The following GPX4 variants were observed in gnomAD, a reference collection of about 807,000 sequenced individuals.
GPX4 encodes phospholipid hydroperoxide glutathione peroxidase GPX4.
GPX4 carries 28 observed loss-of-function variants against 27.8 expected under a neutral mutation model. The observed-to-expected ratio is 1.01, with a 90% CI of 0.75 to 1.38. The LOEUF (loss-of-function observed/expected upper bound fraction) is 1.38. GPX4 is among the 40% of genes most tolerant of loss of function. The pLI is 0.00. For synonymous variants in GPX4, 163 were observed against 107.8 expected, an observed-to-expected ratio of 1.51 and a Z score of -3.17; for missense variants, 357 against 274.1, an observed-to-expected ratio of 1.30 and a Z score of -2.14.
At chr19:1,104,241 G>T in intron 1 of GPX4, 114 bp downstream of exon 1, 3 of 897,694 alleles carry the variant, frequency 3.3e-6, no homozygotes, top group Non-Finnish European at 4.6e-6. Flanking sequence ...TTGGTGGGGG[G>T]CGTCTGGGGG....
rs766828184 is a variant in GPX4 at position 1,105,459 on chromosome 19, T to C, written c.273T>C (p.Ala91=). 6.2e-6 allele frequency: 10 copies of C among 1,612,454 alleles called. No homozygotes were observed. ...TQLVDLHARY[A]ECGLRILAFP... Reference sequence around the variant, plus strand: ...TCGTCGACCTGCACGCCCGATACGCTGAGTGTGGTTTGCGGATCCTGGCCT... The same window carrying C: ...TCGTCGACCTGCACGCCCGATACGCCGAGTGTGGTTTGCGGATCCTGGCCT... The change falls in exon 3 of 7, where the codon GCT becomes GCC. Residue 91 remains alanine, a synonymous_variant. Coordinates refer to ENST00000354171, the MANE Select transcript of GPX4 (RefSeq NM_002085.5).
intron 1 of GPX4, chr19:1,104,590 G>A (rs2079625440): frequency 1.1e-5 from 11 of 974,696 alleles, no homozygotes; most frequent in Non-Finnish European, 1.3e-5. Flanking sequence ...CGGATCACGC[G>A]CCCCCGGGCG....
rs1259074747 is a variant in GPX4 at position 1,105,182 on chromosome 19, G to T, written c.85-4G>T. The T allele has an allele frequency of 6.2e-7, 1 of 1,612,862 alleles. No individual in the cohort carries two copies. The highest frequency in any genetic ancestry group is 8.5e-7 in the Non-Finnish European group (1 of 1,179,810). On this transcript the variant is annotated splice_polypyrimidine_tract_variant and splice_region_variant and intron_variant, in intron 1 of 6. Transcript: ENST00000354171. ...CTCCCTGCTCAGCTTCCTTTGCCTTGCAGTGCGCGTCCCGGGACGACTGGC... is the reference window on the plus strand; with the variant it reads ...CTCCCTGCTCAGCTTCCTTTGCCTTTCAGTGCGCGTCCCGGGACGACTGGC...
In GPX4 at chr19:1,106,489, G is replaced by T. The variant is rs762675618; in HGVS notation, c.561+30G>T. The T allele has an allele frequency of 6.2e-6, 10 of 1,612,250 alleles. No homozygotes were observed. In the East Asian group the frequency reaches 2.2e-4, roughly 36 times the overall value. The stretch of plus-strand genomic sequence containing the variant: ...GTCCTCTCTAGGGAGCCCGCTTGAG[G>T]CTCGGGGGCTTGGGAGGTAGCTGCC... On this transcript the variant is annotated intron_variant, in intron 6 of 6. Transcript: ENST00000354171.
rs775146234 is a variant in GPX4 at position 1,105,814 on chromosome 19, G to A, written c.476+5G>A. 81 of 1,492,778 alleles carry A rather than the reference G, an allele frequency of 5.4e-5. No individual in the cohort carries two copies. Among genetic ancestry groups the A allele is most frequent in the Non-Finnish European group, 7.3e-5 (81 of 1,102,882 alleles). 92.5% of individuals were successfully genotyped at this position (1,492,778 alleles called of 1,614,324 possible). Reference sequence around the variant, plus strand: ...GGGCAAGGGCATCCTGGGAAAGTGCGTGACCTCTGGGGACAGTACGGCTGC... The same window carrying A: ...GGGCAAGGGCATCCTGGGAAAGTGCATGACCTCTGGGGACAGTACGGCTGC... On this transcript the variant is annotated splice_donor_5th_base_variant and intron_variant, in intron 4 of 6. Transcript: ENST00000354171.
In GPX4 at chr19:1,104,081, C is replaced by T. The variant is rs1405299264; in HGVS notation, c.38C>T (p.Ala13Val). The change falls in exon 1 of 7, where the codon GCG becomes GTG. Residue 13 changes from alanine (A) to valine (V), a missense_variant. By Grantham distance (64) the Ala-to-Val change is moderately conservative. Coordinates refer to ENST00000354171, the MANE Select transcript of GPX4 (RefSeq NM_002085.5). ...CGCCTTTGCCGCCTACTGAAGCCGGCGCTGCTCTGTGGGGCTCTGGCCGCG... is the reference window on the plus strand; with the variant it reads ...CGCCTTTGCCGCCTACTGAAGCCGGTGCTGCTCTGTGGGGCTCTGGCCGCG... Reference protein sequence around the residue: ...LGRLCRLLKPALLCGALAAPG... With the variant: ...LGRLCRLLKPVLLCGALAAPG... The T allele has an allele frequency of 6.6e-7, 1 of 1,518,284 alleles. No homozygotes were observed. Among genetic ancestry groups the T allele is most frequent in the Non-Finnish European group, 8.8e-7 (1 of 1,139,786 alleles). The allele number at this position is 1,518,284 out of a possible 1,614,324, so 94.1% of individuals were successfully genotyped here. A position where few individuals can be genotyped will look rare whatever the true frequency, so the allele number is the denominator to read the frequency against.
chr19:1,105,084 T>A lies in GPX4; in HGVS notation c.85-102T>A, dbSNP rs2079631400. On this transcript the variant is annotated intron_variant, in intron 1 of 6. Coordinates refer to ENST00000354171, the MANE Select transcript of GPX4 (RefSeq NM_002085.5). ...TTCAGGTCTTCAGGGCCGCAGGGCC[T>A]CGGTGTCCCCGCCACCGACCCGCTC... 14 of 1,504,704 alleles carry A rather than the reference T, an allele frequency of 9.3e-6. No homozygotes were observed. The African/African-American group carries it at 1.2e-4, about 13-fold the overall frequency. 93.2% of individuals were successfully genotyped at this position (1,504,704 alleles called of 1,614,324 possible). A position where few individuals can be genotyped will look rare whatever the true frequency, so the allele number is the denominator to read the frequency against.
rs2079662193 is a variant in GPX4 at position 1,106,623 on chromosome 19, T to C, written c.*51T>C. 4 of 1,609,168 alleles carry C rather than the reference T, an allele frequency of 2.5e-6. No individual in the cohort carries two copies. The highest frequency in any genetic ancestry group is 1.3e-5 in the African/African-American group (1 of 74,788). On this transcript the variant is annotated 3_prime_UTR_variant, in exon 7 of 7. Coordinates refer to ENST00000354171, the MANE Select transcript of GPX4 (RefSeq NM_002085.5). ...AGCCCCTGCCCACGCCCTTGGAGCCTTCCACCGGCACTCATGACGGCCTGC... is the reference window on the plus strand; with the variant it reads ...AGCCCCTGCCCACGCCCTTGGAGCCCTCCACCGGCACTCATGACGGCCTGC...
rs1386247798 is a variant in GPX4, at chr19:1,106,429, G to T, written c.531G>T (p.Val177=). 6.2e-7 allele frequency: 1 copy of T among 1,613,318 alleles called. No homozygotes were observed. The highest frequency in any genetic ancestry group is 2.2e-5 in the East Asian group (1 of 44,870). The change falls in exon 6 of 7, where the codon GTG becomes GTT. Residue 177 remains valine (V), a synonymous_variant. Coordinates refer to ENST00000354171, the MANE Select transcript of GPX4 (RefSeq NM_002085.5). Reference sequence around the variant, plus strand: ...TCATCGACAAGAACGGCTGCGTGGTGAAGCGCTACGGACCCATGGAGGAGC... The same window carrying T: ...TCATCGACAAGAACGGCTGCGTGGTTAAGCGCTACGGACCCATGGAGGAGC... ...KFLIDKNGCV[V]KRYGPMEEPL...
chr19:1,104,005 G>A lies in GPX4; in HGVS notation c.-39G>A. On this transcript the variant is annotated 5_prime_UTR_variant, in exon 1 of 7. Coordinates refer to ENST00000354171, the MANE Select transcript of GPX4 (RefSeq NM_002085.5). ...GCCGACGCGCGTCCATTGGTCGGCTGGACGAGGGGAGGAGCCGCTGGCTCC... is the reference window on the plus strand; with the variant it reads ...GCCGACGCGCGTCCATTGGTCGGCTAGACGAGGGGAGGAGCCGCTGGCTCC... 6.6e-7 allele frequency: 1 copy of A among 1,506,648 alleles called. No homozygotes were observed. The highest frequency in any genetic ancestry group is 8.8e-7 in the Non-Finnish European group (1 of 1,132,080). The allele number at this position is 1,506,648 out of a possible 1,614,324, so 93.3% of individuals were successfully genotyped here. A position where few individuals can be genotyped will look rare whatever the true frequency, so the allele number is the denominator to read the frequency against.
In GPX4 at chr19:1,105,679, A is replaced by G. The variant is rs777819499; in HGVS notation, c.346A>G (p.Ile116Val). 24 of 1,613,080 alleles carry G rather than the reference A, an allele frequency of 1.5e-5. No individual in the cohort carries two copies. In the South Asian group the frequency reaches 2.5e-4, roughly 17 times the overall value. The part of the protein sequence containing the change: ...GKQEPGSNEE[I>V]KEFAAGYNVK... ...ACAGGAGCCAGGGAGTAACGAAGAG[A>G]TCAAAGAGTTCGCCGCGGGCTACAA... The change falls in exon 4 of 7, where the codon ATC (isoleucine) becomes GTC (valine). Residue 116 changes from isoleucine to valine, a missense_variant. Ile to Val is a conservative substitution (Grantham distance 29, BLOSUM62 3). Transcript: ENST00000354171.
chr19:1,105,870 C>T (rs1254604076), intron 4 of GPX4, 61 bp downstream of exon 4: 15 of 1,455,394 alleles, frequency 1.0e-5, no homozygotes, highest in African/African-American at 1.4e-5. Flanking sequence ...TGCTGGGATG[C>T]TCACACCTCC....
intron 1 of GPX4, 78 bp downstream of exon 1, chr19:1,104,205 T>TG (rs1326852212): frequency 6.0e-5 from 75 of 1,245,596 alleles, no homozygotes; most frequent in Non-Finnish European, 7.3e-5. Context: ...CTCGCCGGCG[T>TG]GGGGAACCCT....
chr19:1,105,355 G>A lies in GPX4; in HGVS notation c.180-11G>A. On this transcript the variant is annotated splice_polypyrimidine_tract_variant and intron_variant, in intron 2 of 6. Coordinates refer to ENST00000354171, the MANE Select transcript of GPX4 (RefSeq NM_002085.5). ...CGTGTTCTTCTGCGCTGACGCCGCC[G>A]ATCCTCGCAGGGGCTTCGTGTGCAT... 6.2e-7 allele frequency: 1 copy of A among 1,611,452 alleles called. No homozygotes were observed. Among genetic ancestry groups the A allele is most frequent in the Non-Finnish European group, 8.5e-7 (1 of 1,178,894 alleles).
intron 4 of GPX4, 52 bp from the exon 5 acceptor site, chr19:1,106,190 G>T: frequency 6.5e-7 from 1 of 1,540,954 alleles, no homozygotes. Context: ...GGACAGCTTG[G>T]GGACTGTGGG....
At position 1,105,687 on chromosome 19, in the gene GPX4, G is replaced by A. The variant is rs1187963171; in HGVS notation, c.354G>A (p.Glu118=). The A allele has an allele frequency of 6.2e-7, 1 of 1,612,954 alleles. No homozygotes were observed. The highest frequency in any genetic ancestry group is 8.5e-7 in the Non-Finnish European group (1 of 1,179,650). ...CAGGGAGTAACGAAGAGATCAAAGAGTTCGCCGCGGGCTACAACGTCAAAT... is the reference window on the plus strand; with the variant it reads ...CAGGGAGTAACGAAGAGATCAAAGAATTCGCCGCGGGCTACAACGTCAAAT... The part of the protein sequence containing the change: ...QEPGSNEEIK[E]FAAGYNVKFD... Residue 118 remains glutamate (E), a synonymous_variant, in exon 4 of 7, where the codon GAG becomes GAA. Coordinates refer to ENST00000354171, the MANE Select transcript of GPX4 (RefSeq NM_002085.5).
chr19:1,105,361 C>A lies in GPX4; in HGVS notation c.180-5C>A. 1 of 1,611,212 alleles carries A rather than the reference C, an allele frequency of 6.2e-7. No individual in the cohort carries two copies. The highest frequency in any genetic ancestry group is 1.1e-5 in the South Asian group (1 of 91,008). On this transcript the variant is annotated splice_polypyrimidine_tract_variant and splice_region_variant and intron_variant, in intron 2 of 6. Transcript: ENST00000354171. ...CTTCTGCGCTGACGCCGCCGATCCT[C>A]GCAGGGGCTTCGTGTGCATCGTCAC...
Position 1,104,065 on chromosome 19 carries a change from C to G in GPX4, c.22C>G (p.Arg8Gly), listed in dbSNP as rs747381755. 6.6e-5 allele frequency: 100 copies of G among 1,519,468 alleles called. No homozygotes were observed. The East Asian group carries it at 9.1e-4, about 14-fold the overall frequency. The allele number at this position is 1,519,468 out of a possible 1,614,324, so 94.1% of individuals were successfully genotyped here. A position where few individuals can be genotyped will look rare whatever the true frequency, so the allele number is the denominator to read the frequency against. The change falls in exon 1 of 7, where the codon CGC becomes GGC. Residue 8 changes from arginine to glycine, a missense_variant. By Grantham distance (125) the Arg-to-Gly change is moderately radical (BLOSUM62 -2). Transcript: ENST00000354171. ...CGCGATGAGCCTCGGCCGCCTTTGC[C>G]GCCTACTGAAGCCGGCGCTGCTCTG... Reference protein sequence around the residue: MSLGRLCRLLKPALLCGA... With the variant: MSLGRLCGLLKPALLCGA...
intron 1 of GPX4, chr19:1,104,888 T>G: frequency 7.5e-7 from 1 of 1,328,016 alleles, no homozygotes; most frequent in Non-Finnish European, 9.8e-7. Flanking sequence ...TCCCCGCAGC[T>G]TGCGACCGGA....
Sources: allele counts gnomAD v4.1 joint callset, GRCh38; gene constraint gnomAD v4.1.1; transcripts MANE v1.5; gene names NCBI Gene and HGNC (gene_info 2026-07-23, HGNC 2026-07-21).